The following CEP128 variants were observed in gnomAD, a reference collection of about 807,000 sequenced individuals.
The protein encoded by CEP128 is centrosomal protein 128kDa.
In CEP128, 132 loss-of-function variants were observed where a neutral mutation model predicts 156.7. That is an observed-to-expected ratio of 0.84 (90% CI 0.73 to 0.97). The LOEUF (loss-of-function observed/expected upper bound fraction) is 0.97. Ranked by LOEUF, CEP128 falls within the 50% of genes least tolerant of loss-of-function variation. CEP128 has a pLI of 0.00. For missense variants in CEP128, 1,252 were observed against 1,281.9 expected, an observed-to-expected ratio of 0.98 and a Z score of 0.36; for synonymous variants, 469 against 448.9, an observed-to-expected ratio of 1.04 and a Z score of -0.57.
chr14:80,616,083 T>C (rs1893200377), intron 19 of CEP128, among the ~76,000 whole-genome samples: 1 of 151,956 alleles, frequency 6.6e-6, no homozygotes, highest in South Asian at 2.1e-4. Context: ...TAGAAAAGAG[T>C]AAAGGTCGCC....
chr14:80,776,928 T>C (rs1291141836), intron 16 of CEP128, among the ~76,000 whole-genome samples: 1 of 152,220 alleles, frequency 6.6e-6, no homozygotes, highest in Non-Finnish European at 1.5e-5. Context: ...AAAATATTTA[T>C]TATTCTATCC....
chr14:80,779,334 C>T (rs554877098), intron 15 of CEP128, among the ~76,000 whole-genome samples: 24 of 152,146 alleles, frequency 1.6e-4, no homozygotes, highest in Admixed American at 1.3e-4. Flanking sequence ...TTATTTACCC[C>T]ACAAAATTTA....
intron 19 of CEP128, among the ~76,000 whole-genome samples, chr14:80,613,417 C>T (rs887345582): frequency 6.7e-6 from 1 of 149,628 alleles, no homozygotes; most frequent in Admixed American, 6.7e-5. Flanking sequence ...ATTCTCCCAC[C>T]TCAGCCTCTC....
Position 80,809,379 on chromosome 14 carries a change from A to G in CEP128, c.1210-16269T>C, listed in dbSNP as rs1884373008. On this transcript the variant is annotated intron_variant, in intron 13 of 24. Transcript: ENST00000555265. ...ATGATATATGAGATACCAAAAAGTG[A>G]CCAAATATATGAATTATCAGTACAC... Among the ~76,000 whole-genome samples, 3 of 152,160 alleles carry G rather than the reference A, an allele frequency of 2.0e-5. No individual in the cohort carries two copies. The South Asian group carries it at 6.2e-4, about 32-fold the overall frequency.
At chr14:80,696,577 G>A (rs1049481933) in intron 19 of CEP128, among the ~76,000 whole-genome samples, 2 of 152,134 alleles carry the variant, frequency 1.3e-5, no homozygotes, top group Non-Finnish European at 2.9e-5. Context: ...GTGTTGTCAA[G>A]AGAGTTCAAT....
chr14:80,946,563 C>G (rs73344096), upstream of CEP128, among the ~76,000 whole-genome samples: 1,120 of 152,052 alleles, frequency 7.4e-3, 17 homozygotes, highest in African/African-American at 0.025. Context: ...CATTAAATAC[C>G]TAGAGGAACT....
chr14:80,579,254 A>G lies in CEP128; in HGVS notation c.2856+1120T>C, dbSNP rs536166249. Reference sequence around the variant, plus strand: ...TTTTATAACAACAAGCATTGCTGATATTAGTTTCACAGAGATAGGCAGGTC... The same window carrying G: ...TTTTATAACAACAAGCATTGCTGATGTTAGTTTCACAGAGATAGGCAGGTC... On this transcript the variant is annotated intron_variant, in intron 20 of 24. Coordinates refer to ENST00000555265, the MANE Select transcript of CEP128 (RefSeq NM_152446.5). Among the ~76,000 whole-genome samples the G allele has an allele frequency of 2.0e-3, 304 of 152,262 alleles. 1 individual carries two copies. The highest frequency in any genetic ancestry group is 7.0e-3 in the African/African-American group (291 of 41,564).
intron 16 of CEP128, among the ~76,000 whole-genome samples, chr14:80,775,771 T>C (rs1429400364): frequency 1.3e-5 from 2 of 152,280 alleles, no homozygotes; most frequent in African/African-American, 4.8e-5. Context: ...CTTATATGAA[T>C]GCGTGATAAC....
At chr14:80,812,985 T>C (rs1036354258) in intron 13 of CEP128, among the ~76,000 whole-genome samples, 5 of 152,226 alleles carry the variant, frequency 3.3e-5, no homozygotes, top group Admixed American at 6.5e-5. Flanking sequence ...TTGAGCATCT[T>C]TTCATATGCT....
chr14:80,957,105 A>C (rs1416783835), intron 2 of CEP128, among the ~76,000 whole-genome samples: 4 of 152,046 alleles, frequency 2.6e-5, no homozygotes, highest in Non-Finnish European at 5.9e-5. Context: ...GCACTTCCCC[A>C]AAGGTCCCTG....
At chr14:80,538,851 T>A (rs149694737) in intron 21 of CEP128, among the ~76,000 whole-genome samples, 3 of 152,280 alleles carry the variant, frequency 2.0e-5, no homozygotes, top group African/African-American at 7.2e-5. Flanking sequence ...TGTGAAACAA[T>A]CTCTCCATTG....
intron 12 of CEP128, among the ~76,000 whole-genome samples, chr14:80,835,217 T>C (rs1886013949): frequency 6.6e-6 from 1 of 152,218 alleles, no homozygotes; most frequent in Admixed American, 6.5e-5. Context: ...CAGCAGATGC[T>C]AGAGCCATGC....
intron 16 of CEP128, among the ~76,000 whole-genome samples, chr14:80,764,041 C>A (rs1900100913): frequency 6.6e-6 from 1 of 152,176 alleles, no homozygotes; most frequent in African/African-American, 2.4e-5. Context: ...TCTCACTTCC[C>A]TCAAAGCCAA....
Position 80,497,943 on chromosome 14 carries a change from A to T in CEP128, c.3182-361T>A, listed in dbSNP as rs796773309. On this transcript the variant is annotated intron_variant, in intron 24 of 24. Coordinates refer to ENST00000555265, the MANE Select transcript of CEP128 (RefSeq NM_152446.5). ...AATCTTAAGGGCTCCTTTTTATGGA[A>T]TCCTCTTTATTACAACTTCTAGTCT... Among the ~76,000 whole-genome samples the T allele has an allele frequency of 3.3e-5, 5 of 152,292 alleles. No homozygotes were observed. In the South Asian group the frequency reaches 8.3e-4, roughly 25 times the overall value.
chr14:80,642,458 AGACTGCTTGAG>A (rs1402122924), intron 19 of CEP128, among the ~76,000 whole-genome samples: 2 of 152,148 alleles, frequency 1.3e-5, no homozygotes, highest in Non-Finnish European at 2.9e-5. Context: ...CAATGCAGGA[AGACTGCTTGAG>A]GCCAGGAGTT....
At chr14:80,727,535 T>A (rs915040844) in intron 19 of CEP128, among the ~76,000 whole-genome samples, 3 of 152,110 alleles carry the variant, frequency 2.0e-5, no homozygotes, top group African/African-American at 7.2e-5. Context: ...AAGTTGGACC[T>A]AATTAAACTA....
intron 19 of CEP128, among the ~76,000 whole-genome samples, chr14:80,723,936 C>T (rs11851634): frequency 0.093 from 14,153 of 152,214 alleles, 2,186 homozygotes; most frequent in African/African-American, 0.32. Flanking sequence ...TTACGCAGAA[C>T]AGAACACAAT....
intron 18 of CEP128, among the ~76,000 whole-genome samples, chr14:80,746,656 A>G (rs1031133877): frequency 7.2e-5 from 11 of 152,240 alleles, no homozygotes; most frequent in African/African-American, 2.4e-4. Flanking sequence ...AAACACAGGC[A>G]TAAATCGTTG....
chr14:80,689,616 A>G (rs537890970), intron 19 of CEP128, among the ~76,000 whole-genome samples: 13 of 152,190 alleles, frequency 8.5e-5, no homozygotes, highest in Non-Finnish European at 1.9e-4. Context: ...GACTCAAAAT[A>G]TACACATTAA....
Sources: allele counts gnomAD v4.1 joint callset (sites outside exome capture counted in the v4.1 genomes callset), GRCh38; gene constraint gnomAD v4.1.1; transcripts MANE v1.5; gene names NCBI Gene and HGNC (gene_info 2026-07-23, HGNC 2026-07-21).